Variants in GRIP1 observed in about 807,000 individuals in gnomAD.
GRIP1 encodes glutamate receptor-interacting protein 1.
In GRIP1, 45 loss-of-function variants were observed where a neutral mutation model predicts 129.9. That is an observed-to-expected ratio of 0.35 (90% CI 0.27 to 0.44). The LOEUF is 0.44. Ranked by LOEUF, GRIP1 falls within the 20% of genes least tolerant of loss-of-function variation. The pLI is 1.00. For synonymous variants in GRIP1, 530 were observed against 520.8 expected (o/e 1.02, Z -0.24); for missense variants, 1,196 against 1,396.8 (o/e 0.86, Z 2.29).
intron 1 of GRIP1, among the ~76,000 whole-genome samples, chr12:67,055,336 G>A (rs917195143): frequency 7.2e-5 from 11 of 152,278 alleles, no homozygotes; most frequent in East Asian, 1.9e-4. Flanking sequence ...ACAAGTGGAG[G>A]GTTAACCTTG....
intron 1 of GRIP1, among the ~76,000 whole-genome samples, chr12:66,916,870 A>G (rs2041132570): frequency 6.6e-6 from 1 of 152,208 alleles, no homozygotes; most frequent in African/African-American, 2.4e-5. Context: ...ATTCTAAAAC[A>G]AAATCACTTG....
At chr12:67,063,829 C>T (rs2043576307) in intron 1 of GRIP1, among the ~76,000 whole-genome samples, 1 of 152,106 alleles carries the variant, frequency 6.6e-6, no homozygotes, top group East Asian at 1.9e-4. Context: ...TTAACTGAAG[C>T]CTCTTTGTTT....
chr12:66,462,084 G>T (rs923065574), intron 9 of GRIP1, among the ~76,000 whole-genome samples: 1 of 152,156 alleles, frequency 6.6e-6, no homozygotes, highest in South Asian at 2.1e-4. Flanking sequence ...CCCAGCAAAT[G>T]TATCTGTGAA....
chr12:66,971,696 T>C (rs1189351159), intron 1 of GRIP1, among the ~76,000 whole-genome samples: 2 of 152,118 alleles, frequency 1.3e-5, no homozygotes, highest in African/African-American at 4.8e-5. Flanking sequence ...CAAAATATAA[T>C]CATCACAGAG....
At chr12:66,979,385 T>C (rs900328920) in intron 1 of GRIP1, among the ~76,000 whole-genome samples, 2 of 148,462 alleles carry the variant, frequency 1.3e-5, no homozygotes, top group African/African-American at 4.9e-5. Context: ...GGAGTGAAAA[T>C]GAGTTGGCTT....
chr12:66,771,368 C>G (rs1366034739), intron 1 of GRIP1, among the ~76,000 whole-genome samples: 2 of 152,126 alleles, frequency 1.3e-5, no homozygotes, highest in Non-Finnish European at 2.9e-5. Context: ...AAATGTATAT[C>G]TTGAGCCATA....
chr12:67,046,822 C>T (rs2135832690), intron 1 of GRIP1, among the ~76,000 whole-genome samples: 1 of 152,232 alleles, frequency 6.6e-6, no homozygotes, highest in South Asian at 2.1e-4. Context: ...AATAGTGCTT[C>T]AATGGAAATT....
chr12:67,027,142 AG>A (rs1291599331), intron 1 of GRIP1, among the ~76,000 whole-genome samples: 2 of 152,086 alleles, frequency 1.3e-5, no homozygotes, highest in East Asian at 1.9e-4. Context: ...AGCAGGGAGG[AG>A]GGGGAGATAT....
chr12:66,668,220 T>C (rs2033897922), intron 1 of GRIP1, among the ~76,000 whole-genome samples: 1 of 152,200 alleles, frequency 6.6e-6, no homozygotes, highest in South Asian at 2.1e-4. Flanking sequence ...TTAATCACTC[T>C]TGGAAACTAT....
intron 1 of GRIP1, among the ~76,000 whole-genome samples, chr12:66,625,713 G>A (rs539425161): frequency 6.6e-6 from 1 of 152,118 alleles, no homozygotes; most frequent in East Asian, 1.9e-4. Context: ...AATTTTAAAT[G>A]GAGCTTCCAA....
At chr12:66,645,290 A>G (rs1259965689) in intron 1 of GRIP1, among the ~76,000 whole-genome samples, 4 of 152,178 alleles carry the variant, frequency 2.6e-5, no homozygotes, top group Admixed American at 2.0e-4. Context: ...CTCATATCTC[A>G]ACAGTCATTA....
intron 15 of GRIP1, among the ~76,000 whole-genome samples, chr12:66,413,205 G>A (rs1399815877): frequency 6.6e-6 from 1 of 151,994 alleles, no homozygotes; most frequent in African/African-American, 2.4e-5. Flanking sequence ...TCACATAATT[G>A]GAAGTAAAAC....
intron 15 of GRIP1, among the ~76,000 whole-genome samples, chr12:66,419,692 C>T (rs1228376406): frequency 3.9e-5 from 6 of 152,258 alleles, no homozygotes; most frequent in Non-Finnish European, 8.8e-5. Flanking sequence ...GAGAGAGAAA[C>T]TTCTGTCTTG....
chr12:66,635,243 C>A lies in GRIP1; in HGVS notation c.56-38316G>T, dbSNP rs1440819506. On this transcript the variant is annotated intron_variant, in intron 1 of 24. Coordinates refer to ENST00000359742, the MANE Select transcript of GRIP1 (RefSeq NM_001366722.1). ...GACAACCCTAGGCAACATAGCGAGA[C>A]CCCATCTTTATTAAAAAAAATAAAA... Among the ~76,000 whole-genome samples, 3 of 151,662 alleles carry A rather than the reference C, an allele frequency of 2.0e-5. No individual in the cohort carries two copies. The East Asian group carries it at 5.8e-4, about 29-fold the overall frequency.
At chr12:66,913,411 C>T (rs1328998005) in intron 1 of GRIP1, among the ~76,000 whole-genome samples, 1 of 151,974 alleles carries the variant, frequency 6.6e-6, no homozygotes, top group Non-Finnish European at 1.5e-5. Context: ...GTATCACAAC[C>T]TCAGAAAAAA....
chr12:66,854,845 A>G (rs2039975214), intron 1 of GRIP1, among the ~76,000 whole-genome samples: 1 of 152,058 alleles, frequency 6.6e-6, no homozygotes, highest in South Asian at 2.1e-4. Flanking sequence ...TGGGGCCAAC[A>G]TTACTATACA....
chr12:66,984,648 G>C (rs933715618), intron 1 of GRIP1, among the ~76,000 whole-genome samples: 1 of 151,110 alleles, frequency 6.6e-6, no homozygotes, highest in Non-Finnish European at 1.5e-5. Context: ...TGTGTAGATA[G>C]TCTCACTCTC....
intron 1 of GRIP1, among the ~76,000 whole-genome samples, chr12:66,923,314 C>T (rs2041243420): frequency 6.6e-6 from 1 of 152,158 alleles, no homozygotes; most frequent in Non-Finnish European, 1.5e-5. Flanking sequence ...CCACTGCACT[C>T]CATCTGGGCA....
intron 1 of GRIP1, among the ~76,000 whole-genome samples, chr12:66,814,671 T>G (rs547326587): frequency 3.9e-4 from 58 of 150,226 alleles, no homozygotes; most frequent in African/African-American, 1.3e-3. Flanking sequence ...AAAAATTAAA[T>G]AAATAAATCA....
Sources: gnomAD v4.1 joint callset for allele counts (sites outside exome capture counted in the v4.1 genomes callset) on GRCh38, gnomAD v4.1.1 for gene constraint, MANE v1.5 for transcripts, NCBI Gene and HGNC (gene_info 2026-07-23, HGNC 2026-07-21) for gene names.